The following HLCS variants were observed in gnomAD, a reference collection of about 807,000 sequenced individuals.
HLCS encodes holocarboxylase synthetase.
Under a neutral mutation model 75.0 loss-of-function variants are expected in HLCS, and 53 were observed. That is an observed-to-expected ratio of 0.71 (90% CI 0.57 to 0.89). The LOEUF (loss-of-function observed/expected upper bound fraction) is 0.89, where lower values mean the gene tolerates loss of function less well. Ranked by LOEUF, HLCS falls within the 40% of genes least tolerant of loss-of-function variation. The pLI is 0.00. For missense variants in HLCS, 966 were observed against 1,074.0 expected (o/e 0.90, Z 1.41); for synonymous variants, 431 against 428.6 (o/e 1.01, Z -0.07).
At chr21:36,947,960 T>C (rs1303089242) in intron 2 of HLCS, 12 of 985,140 alleles carry the variant, frequency 1.2e-5, no homozygotes, top group Non-Finnish European at 1.4e-5. Context: ...TAGTAACAAA[T>C]TGGATGGAGC....
chr21:36,839,716 T>C (rs2062550481), intron 6 of HLCS, among the ~76,000 whole-genome samples: 1 of 136,304 alleles, frequency 7.3e-6, no homozygotes, highest in South Asian at 2.3e-4. Flanking sequence ...GGCAATATCC[T>C]ACACACATGT....
chr21:36,973,957 C>G (rs1569269185), intron 1 of HLCS: 1 of 152,542 alleles, frequency 6.6e-6, no homozygotes, highest in East Asian at 1.9e-4. Context: ...TGCCCTTGCA[C>G]TCCAGCCTGG....
In HLCS at chr21:36,895,733, C is replaced by T. The variant is rs143757537; in HGVS notation, c.1892+1127G>A. 4.6e-4 allele frequency among the ~76,000 whole-genome samples: 70 copies of T among 152,288 alleles called. 1 individual carries two copies. The East Asian group carries it at 0.013, about 29-fold the overall frequency. ...AGAAAAAGGCCAAAATATTCCCATA[C>T]ATTGAATTATACATCTGTCTAATCA... On this transcript the variant is annotated intron_variant, in intron 6 of 10. Coordinates refer to ENST00000674895, the MANE Select transcript of HLCS (RefSeq NM_001352514.2).
At chr21:36,939,661 G>A (rs574378740) in intron 2 of HLCS, among the ~76,000 whole-genome samples, 2 of 152,286 alleles carry the variant, frequency 1.3e-5, no homozygotes, top group South Asian at 2.1e-4. Context: ...CAAAACACCC[G>A]GCTTAGCCTT....
chr21:36,861,681 T>C (rs2063386927), intron 6 of HLCS, among the ~76,000 whole-genome samples: 1 of 152,210 alleles, frequency 6.6e-6, no homozygotes, highest in Non-Finnish European at 1.5e-5. Flanking sequence ...TGCTTATACT[T>C]TCTTTTAAAA....
At chr21:36,878,209 T>C (rs2064061123) in intron 6 of HLCS, among the ~76,000 whole-genome samples, 1 of 152,152 alleles carries the variant, frequency 6.6e-6, no homozygotes, top group Non-Finnish European at 1.5e-5. Context: ...CATTCTGATA[T>C]TATCCATAGG....
intron 5 of HLCS, among the ~76,000 whole-genome samples, chr21:36,929,746 CA>C (rs2066554482): frequency 6.6e-6 from 1 of 152,240 alleles, no homozygotes. Flanking sequence ...AACCAGGTAT[CA>C]ATCACAGGCA....
At chr21:36,913,211 C>T (rs1225337579) in intron 5 of HLCS, among the ~76,000 whole-genome samples, 3 of 152,066 alleles carry the variant, frequency 2.0e-5, no homozygotes, top group Admixed American at 6.5e-5. Flanking sequence ...ACCCATGAAA[C>T]CAAATCTGTC....
intron 6 of HLCS, among the ~76,000 whole-genome samples, chr21:36,820,462 G>A (rs115753185): frequency 0.02 from 2,994 of 152,318 alleles, 91 homozygotes; most frequent in African/African-American, 0.068. Flanking sequence ...CTGCTGCAGG[G>A]CCTGTCCCTG....
Position 36,962,134 on chromosome 21 carries a change from CA to C in HLCS, c.231del (p.Val78CysfsTer11). Reference sequence around the variant, plus strand: ...TCTGCTTCAAGTATAAAAGGAGACACAAGAAATAGGGCCCACTTGTTCAAGT... The same window carrying C: ...TCTGCTTCAAGTATAAAAGGAGACACAGAAATAGGGCCCACTTGTTCAAGT... Reference protein sequence around the residue: ...IEDLNKWALFLVSPFILEAEH... With the variant: ...IEDLNKWALFXVSPFILEAEH... On this transcript the variant is annotated frameshift_variant, in exon 2 of 11. Coordinates refer to ENST00000674895, the MANE Select transcript of HLCS (RefSeq NM_001352514.2). LOFTEE classifies it high-confidence loss of function. The C allele has an allele frequency of 7.8e-7, 1 of 1,288,976 alleles. No individual in the cohort carries two copies. The highest frequency in any genetic ancestry group is 1.2e-5 in the South Asian group (1 of 80,998). 79.8% of individuals were successfully genotyped at this position (1,288,976 alleles called of 1,614,324 possible). A position where few individuals can be genotyped will look rare whatever the true frequency, so the allele number is the denominator to read the frequency against.
chr21:36,895,595 CA>C (rs1329245993), intron 6 of HLCS, among the ~76,000 whole-genome samples: 1 of 152,196 alleles, frequency 6.6e-6, no homozygotes, highest in Non-Finnish European at 1.5e-5. Context: ...TCTAATACAA[CA>C]CACATACTAA....
At chr21:36,829,620 C>A (rs1020992716) in intron 6 of HLCS, among the ~76,000 whole-genome samples, 3 of 152,186 alleles carry the variant, frequency 2.0e-5, no homozygotes. Context: ...ATTTCCTTCT[C>A]AATGGGTTCA....
intron 6 of HLCS, among the ~76,000 whole-genome samples, chr21:36,823,501 G>A (rs2061908047): frequency 6.6e-6 from 1 of 152,122 alleles, no homozygotes; most frequent in Admixed American, 6.5e-5. Context: ...AAGGATGCAA[G>A]ACGACTCAGG....
rs76330918 is a variant in HLCS at position 36,962,319 on chromosome 21, C to T, written c.196-149G>A. On this transcript the variant is annotated intron_variant, in intron 1 of 10. Transcript: ENST00000674895. Reference sequence around the variant, plus strand: ...ATGCTCCTCTGCAGGCCGCAGGAACCGTGTGTTTCTTGTTTAGCTGTGACT... The same window carrying T: ...ATGCTCCTCTGCAGGCCGCAGGAACTGTGTGTTTCTTGTTTAGCTGTGACT... 4,717 of 460,652 alleles carry T rather than the reference C, an allele frequency of 0.01. 42 individuals carry two copies. The highest frequency in any genetic ancestry group is 0.024 in the Middle Eastern group (30 of 1,264). The allele number at this position is 460,652 out of a possible 1,614,324, so 28.5% of individuals were successfully genotyped here.
intron 6 of HLCS, among the ~76,000 whole-genome samples, chr21:36,863,682 A>G (rs1431943074): frequency 6.6e-6 from 1 of 152,260 alleles, no homozygotes; most frequent in African/African-American, 2.4e-5. Flanking sequence ...AGATCTTTTC[A>G]GCATAGTAAT....
intron 2 of HLCS, chr21:36,944,041 G>A (rs2835540): frequency 6.6e-6 from 1 of 151,880 alleles, no homozygotes. Flanking sequence ...GAACATATAC[G>A]GCTTCTAGAC....
At chr21:36,776,936 CTTT>C (rs1012366798) in intron 6 of HLCS, among the ~76,000 whole-genome samples, 2 of 152,188 alleles carry the variant, frequency 1.3e-5, no homozygotes, top group Non-Finnish European at 2.9e-5. Flanking sequence ...AACTAATAGG[CTTT>C]TTTATTTTTT....
intron 6 of HLCS, among the ~76,000 whole-genome samples, chr21:36,840,553 ATAAAG>A (rs1369486406): frequency 6.6e-6 from 1 of 152,228 alleles, no homozygotes; most frequent in East Asian, 1.9e-4. Flanking sequence ...TATAAAGATT[ATAAAG>A]TAATCTTCCT....
intron 1 of HLCS, among the ~76,000 whole-genome samples, chr21:36,989,314 CTTTTTTTT>C (rs35073331): frequency 2.5e-5 from 2 of 80,010 alleles, no homozygotes; most frequent in Admixed American, 1.9e-4. Flanking sequence ...TCTGGCCCAT[CTTTTTTTT>C]TTTTTTTTTT....
Sources: allele counts gnomAD v4.1 joint callset (sites outside exome capture counted in the v4.1 genomes callset), GRCh38; gene constraint gnomAD v4.1.1; transcripts MANE v1.5; gene names NCBI Gene and HGNC (gene_info 2026-07-23, HGNC 2026-07-21).